The following UNG variants were observed in gnomAD, a reference collection of about 807,000 sequenced individuals.
The protein encoded by UNG is uracil DNA glycosylase.
A neutral mutation model predicts 36.5 loss-of-function variants in UNG; 34 were observed. The ratio of observed to expected loss-of-function variants is 0.93; its 90% CI spans 0.71 to 1.24. UNG has a LOEUF of 1.24. Ranked by LOEUF, UNG falls within the 50% of genes most tolerant of loss-of-function variation. UNG has a pLI of 0.00. For synonymous variants in UNG, 172 were observed against 157.8 expected, an observed-to-expected ratio of 1.09 and a Z score of -0.67; for missense variants, 391 against 397.6, an observed-to-expected ratio of 0.98 and a Z score of 0.14.
rs761928219 is a variant in UNG, at chr12:109,097,760, C to A, written c.81C>A (p.Ala27=). The part of the protein sequence containing the change: ...RKRHAPSPEP[A]VQGTGVAGVP... ...GACACGCCCCCAGCCCCGAGCCGGC[C>A]GTCCAGGGGACCGGCGTGGCTGGGG... Residue 27 remains alanine (A), a synonymous_variant, in exon 1 of 7, where the codon GCC becomes GCA. Transcript: ENST00000242576. 33 of 1,570,738 alleles carry A rather than the reference C, an allele frequency of 2.1e-5. No homozygotes were observed. In the East Asian group the frequency reaches 4.3e-4, roughly 20 times the overall value.
chr12:109,098,700 G>C (rs1011588945), intron 2 of UNG, 62 bp downstream of exon 2: 1 of 1,607,814 alleles, frequency 6.2e-7, no homozygotes, highest in Admixed American at 1.7e-5. Context: ...CTTTTGTCTT[G>C]TTAGTGTAGC....
intron 2 of UNG, among the ~76,000 whole-genome samples, chr12:109,098,962 G>A (rs1000647847): frequency 1.1e-4 from 16 of 152,202 alleles, no homozygotes; most frequent in Non-Finnish European, 1.8e-4. Flanking sequence ...GAGAGGAGTG[G>A]CACTGTCAGG....
intron 2 of UNG, 107 bp downstream of exon 2, chr12:109,098,745 A>AC: frequency 7.2e-7 from 1 of 1,396,326 alleles, no homozygotes; most frequent in Non-Finnish European, 9.9e-7. Flanking sequence ...CTTAGGTTGT[A>AC]CCCCCTTCAA....
chr12:109,109,817 G>A lies in UNG; in HGVS notation c.802-12G>A. The stretch of plus-strand genomic sequence containing the variant: ...CCCAAATCTGCCACCATTTATTCTT[G>A]ATCTTTTTCAGAAGCGGCACCATGT... On this transcript the variant is annotated splice_polypyrimidine_tract_variant and intron_variant, in intron 6 of 6. Transcript: ENST00000242576. The A allele has an allele frequency of 6.2e-7, 1 of 1,608,024 alleles. No homozygotes were observed.
chr12:109,109,522 G>A (rs1038177417), intron 6 of UNG, among the ~76,000 whole-genome samples: 1 of 150,960 alleles, frequency 6.6e-6, no homozygotes, highest in Non-Finnish European at 1.5e-5. Flanking sequence ...GGTGGTTCAC[G>A]CCTGTAATCC....
Position 109,102,009 on chromosome 12 carries a change from C to T in UNG, c.533+10C>T, listed in dbSNP as rs1173689718. 5 of 1,612,984 alleles carry T rather than the reference C, an allele frequency of 3.1e-6. No individual in the cohort carries two copies. The Admixed American group carries it at 5.0e-5, about 16-fold the overall frequency. ...TTCCGCCTCCGCCCAGGTACAGTTG[C>T]TTTACAGGTGACTGCAGTCCAGACA... On this transcript the variant is annotated intron_variant, in intron 4 of 6. Coordinates refer to ENST00000242576, the MANE Select transcript of UNG (RefSeq NM_080911.3).
rs764190174 is a variant in UNG, at chr12:109,109,983, G to C, written c.*14G>C. ...AAGGAGCTGTGATCATCAGCTGAGGGGTGGCCTTTGAGAAGCTGCTGTTAA... is the reference window on the plus strand; with the variant it reads ...AAGGAGCTGTGATCATCAGCTGAGGCGTGGCCTTTGAGAAGCTGCTGTTAA... On this transcript the variant is annotated 3_prime_UTR_variant, in exon 7 of 7. Coordinates refer to ENST00000242576, the MANE Select transcript of UNG (RefSeq NM_080911.3). 1.2e-6 allele frequency: 2 copies of C among 1,614,084 alleles called. No homozygotes were observed. The highest frequency in any genetic ancestry group is 2.2e-5 in the South Asian group (2 of 91,076).
intron 6 of UNG, among the ~76,000 whole-genome samples, chr12:109,108,952 A>C (rs539128336): frequency 6.6e-6 from 1 of 152,040 alleles, no homozygotes; most frequent in Non-Finnish European, 1.5e-5. Flanking sequence ...TTTCACTTTC[A>C]GTACAGTGTT....
chr12:109,101,341 C>T (rs1413274723), intron 3 of UNG, among the ~76,000 whole-genome samples: 4 of 151,682 alleles, frequency 2.6e-5, no homozygotes, highest in African/African-American at 9.7e-5. Context: ...CTGCCTACCT[C>T]GGCCTCCCAA....
At chr12:109,109,012 T>G (rs2042239491) in intron 6 of UNG, among the ~76,000 whole-genome samples, 1 of 152,200 alleles carries the variant, frequency 6.6e-6, no homozygotes, top group South Asian at 2.1e-4. Flanking sequence ...GAAGCTTTGT[T>G]TTGCCCAGCT....
At chr12:109,099,819 G>A (rs2042163687) in intron 3 of UNG, among the ~76,000 whole-genome samples, 1 of 152,206 alleles carries the variant, frequency 6.6e-6, no homozygotes, top group Admixed American at 6.5e-5. Flanking sequence ...GCTCATGCCT[G>A]TAATCCCAGC....
chr12:109,097,935 G>T (rs1321408012), intron 1 of UNG, 124 bp downstream of exon 1: 2 of 1,325,728 alleles, frequency 1.5e-6, no homozygotes, highest in Admixed American at 2.9e-5. Context: ...TTTCCAAATA[G>T]CCTCCACGTG....
Position 109,097,617 on chromosome 12 carries a change from A to G in UNG, c.-63A>G. On this transcript the variant is annotated 5_prime_UTR_variant, in exon 1 of 7. Coordinates refer to ENST00000242576, the MANE Select transcript of UNG (RefSeq NM_080911.3). The stretch of plus-strand genomic sequence containing the variant: ...GCGCCAATTGCTGACCGCCACAGCC[A>G]CAGCCAGGGCTAGCCTCGCCGGTTC... 1 of 1,568,976 alleles carries G rather than the reference A, an allele frequency of 6.4e-7. No homozygotes were observed. Among genetic ancestry groups the G allele is most frequent in the South Asian group, 1.2e-5 (1 of 86,324 alleles).
At position 109,103,601 on chromosome 12, in the gene UNG, C is replaced by A. The variant is rs769983589; in HGVS notation, c.791C>A (p.Ala264Asp). 6.2e-7 allele frequency: 1 copy of A among 1,612,764 alleles called. No individual in the cohort carries two copies. The highest frequency in any genetic ancestry group is 8.5e-7 in the Non-Finnish European group (1 of 1,179,678). ...TCTTATGCTCAGAAGAAGGGCAGTG[C>A]CATTGATAGGGTATGTTTTGTTTTC... is the stretch of plus-strand genomic sequence containing the variant. ...WGSYAQKKGS[A>D]IDRKRHHVLQ... The change falls in exon 6 of 7, where the codon GCC becomes GAC. Residue 264 changes from alanine (A) to aspartate (D), a missense_variant. Transcript: ENST00000242576.
At chr12:109,105,580 C>T (rs144379495) in intron 6 of UNG, among the ~76,000 whole-genome samples, 2 of 152,156 alleles carry the variant, frequency 1.3e-5, no homozygotes, top group African/African-American at 2.4e-5. Context: ...ATTTTCCAAA[C>T]GAAGTTTCTC....
chr12:109,108,452 G>T (rs922527045), intron 6 of UNG, among the ~76,000 whole-genome samples: 1 of 152,092 alleles, frequency 6.6e-6, no homozygotes, highest in Non-Finnish European at 1.5e-5. Flanking sequence ...GGGCAACATA[G>T]TGAGACCTTG....
intron 6 of UNG, 66 bp downstream of exon 6, chr12:109,103,677 C>T: frequency 2.0e-6 from 3 of 1,483,992 alleles, no homozygotes; most frequent in South Asian, 1.2e-5. Flanking sequence ...GTAAAGAATT[C>T]TAGGAGTCCC....
rs377075959 is a variant in UNG at position 109,097,662 on chromosome 12, T to C, written c.-18T>C. The C allele has an allele frequency of 3.4e-5, 55 of 1,603,180 alleles. No homozygotes were observed. The highest frequency in any genetic ancestry group is 4.6e-5 in the Non-Finnish European group (54 of 1,174,896). On this transcript the variant is annotated 5_prime_UTR_variant, in exon 1 of 7. Coordinates refer to ENST00000242576, the MANE Select transcript of UNG (RefSeq NM_080911.3). ...CGGTTCCCGGGTGGCGCGCGTTCGC[T>C]GCCTCCTCAGCTCCAGGATGATCGG...
chr12:109,097,694 G>T lies in UNG; in HGVS notation c.15G>T (p.Lys5Asn). The T allele has an allele frequency of 6.2e-7, 1 of 1,603,992 alleles. No individual in the cohort carries two copies. Among genetic ancestry groups the T allele is most frequent in the South Asian group, 1.1e-5 (1 of 89,808 alleles). Reference sequence around the variant, plus strand: ...TCAGCTCCAGGATGATCGGCCAGAAGACGCTCTACTCCTTTTTCTCCCCCA... The same window carrying T: ...TCAGCTCCAGGATGATCGGCCAGAATACGCTCTACTCCTTTTTCTCCCCCA... The part of the protein sequence containing the change: MIGQ[K>N]TLYSFFSPSP... Residue 5 changes from lysine to asparagine, a missense_variant, in exon 1 of 7, where the codon AAG (lysine) becomes AAT (asparagine). Transcript: ENST00000242576.
Sources: gnomAD v4.1 joint callset for allele counts (sites outside exome capture counted in the v4.1 genomes callset) on GRCh38, gnomAD v4.1.1 for gene constraint, MANE v1.5 for transcripts, NCBI Gene and HGNC (gene_info 2026-07-23, HGNC 2026-07-21) for gene names.